BMPR2: variants seen among roughly 807,000 people sequenced by gnomAD.
BMPR2 encodes the protein bone morphogenetic protein receptor type 2.
In BMPR2, 29 loss-of-function variants were observed where a neutral mutation model predicts 100.8. The observed-to-expected ratio is 0.29, with a 90% CI of 0.21 to 0.39. The LOEUF is 0.39. Among genes scored for constraint, BMPR2 ranks in the 10% least tolerant of loss-of-function variants. The pLI is 1.00. For synonymous variants in BMPR2, 382 were observed against 442.3 expected (o/e 0.86, Z 1.71); for missense variants, 1,011 against 1,274.5 (o/e 0.79, Z 3.15).
chr2:202,520,080 TA>T lies in BMPR2; in HGVS notation c.853-6del, dbSNP rs1254987372. 1 of 1,575,892 alleles carries T rather than the reference TA, an allele frequency of 6.3e-7. No homozygotes were observed. Among genetic ancestry groups the T allele is most frequent in the Non-Finnish European group, 8.7e-7 (1 of 1,147,514 alleles). Reference sequence around the variant, plus strand: ...TTTTTTTTTTTCGCATTTTTTCCTCTATATAGGGATCTTTATGCAAGTATTT... The same window carrying T: ...TTTTTTTTTTTCGCATTTTTTCCTCTTATAGGGATCTTTATGCAAGTATTT... On this transcript the variant is annotated splice_polypyrimidine_tract_variant and splice_region_variant and intron_variant, in intron 6 of 12. Transcript: ENST00000374580.
intron 1 of BMPR2, among the ~76,000 whole-genome samples, chr2:202,393,914 AGAGAGAG>A (rs1559024387): frequency 6.7e-6 from 1 of 149,112 alleles, no homozygotes; most frequent in Non-Finnish European, 1.5e-5. Flanking sequence ...AGAGAGAGAG[AGAGAGAG>A]AGAGAGAGAG....
chr2:202,472,220 G>C (rs1271641995), intron 3 of BMPR2, among the ~76,000 whole-genome samples: 5 of 152,162 alleles, frequency 3.3e-5, no homozygotes, highest in Non-Finnish European at 7.4e-5. Flanking sequence ...TAAACTGAAA[G>C]CAATAGGAAA....
In BMPR2 at chr2:202,566,765, A is replaced by G. The variant is rs1195668820; in HGVS notation, c.*6819A>G. ...TGAGAAAATAACCTGTATTTATCAC[A>G]TTGTCAAACAGAATTTTTCTTTGAA... On this transcript the variant is annotated 3_prime_UTR_variant, in exon 13 of 13. Coordinates refer to ENST00000374580, the MANE Select transcript of BMPR2 (RefSeq NM_001204.7). 1 of 152,186 alleles carries G rather than the reference A, an allele frequency of 6.6e-6. No homozygotes were observed. The highest frequency in any genetic ancestry group is 1.5e-5 in the Non-Finnish European group (1 of 68,018). The allele number at this position is 152,186 out of a possible 1,614,324, so 9.4% of individuals were successfully genotyped here.
At chr2:202,548,173 C>T (rs1449027895) in intron 10 of BMPR2, among the ~76,000 whole-genome samples, 1 of 152,172 alleles carries the variant, frequency 6.6e-6, no homozygotes, top group Non-Finnish European at 1.5e-5. Flanking sequence ...GAAGAAACTA[C>T]CAGTTCTTTT....
At chr2:202,450,191 G>A (rs1691947926) in intron 1 of BMPR2, among the ~76,000 whole-genome samples, 1 of 152,096 alleles carries the variant, frequency 6.6e-6, no homozygotes, top group Non-Finnish European at 1.5e-5. Flanking sequence ...GGGTCTCAGG[G>A]ATCCCCAACA....
chr2:202,488,434 A>C (rs1344551504), intron 3 of BMPR2, among the ~76,000 whole-genome samples: 5 of 152,120 alleles, frequency 3.3e-5, no homozygotes, highest in Non-Finnish European at 7.4e-5. Context: ...TAAAATGTGA[A>C]ATTTACTGTC....
At chr2:202,430,431 TTTGAATATGTGGAATTG>T (rs1691480271) in intron 1 of BMPR2, among the ~76,000 whole-genome samples, 1 of 152,210 alleles carries the variant, frequency 6.6e-6, no homozygotes, top group East Asian at 1.9e-4. Context: ...TTCTTCAGAC[TTTGAATATGTGGAATTG>T]TTGAATATGT....
intron 3 of BMPR2, among the ~76,000 whole-genome samples, chr2:202,476,278 G>T (rs1370475555): frequency 6.6e-6 from 1 of 151,822 alleles, no homozygotes; most frequent in African/African-American, 2.4e-5. Context: ...CTCTCTTCCT[G>T]CCTTAACTGT....
intron 1 of BMPR2, among the ~76,000 whole-genome samples, chr2:202,409,276 C>T (rs573457943): frequency 4.6e-5 from 7 of 152,180 alleles, no homozygotes; most frequent in East Asian, 1.9e-4. Context: ...ACCCAGAAGG[C>T]GGGGAAGTTG....
chr2:202,554,623 C>A (rs1294769969), intron 11 of BMPR2, among the ~76,000 whole-genome samples: 1 of 152,096 alleles, frequency 6.6e-6, no homozygotes, highest in East Asian at 1.9e-4. Flanking sequence ...AATTGGAGAG[C>A]AGTTCTGAAT....
At chr2:202,422,395 C>T (rs768581647) in intron 1 of BMPR2, among the ~76,000 whole-genome samples, 1 of 152,114 alleles carries the variant, frequency 6.6e-6, no homozygotes, top group Non-Finnish European at 1.5e-5. Flanking sequence ...CAAACTCCGC[C>T]TCCCGGGTTC....
intron 1 of BMPR2, among the ~76,000 whole-genome samples, chr2:202,447,656 G>A (rs1228756655): frequency 1.3e-5 from 2 of 150,666 alleles, no homozygotes; most frequent in Non-Finnish European, 2.9e-5. Context: ...CTCCAGCTTG[G>A]GTGACAGAGC....
chr2:202,559,770 C>T lies in BMPR2; in HGVS notation c.2941C>T (p.Leu981Phe). 6.2e-7 allele frequency: 1 copy of T among 1,614,184 alleles called. No individual in the cohort carries two copies. Among genetic ancestry groups the T allele is most frequent in the Non-Finnish European group, 8.5e-7 (1 of 1,180,028 alleles). The change falls in exon 13 of 13, where the codon CTT (leucine) becomes TTT (phenylalanine). Residue 981 changes from leucine (L) to phenylalanine (F), a missense_variant. Transcript: ENST00000374580. ...GAAACGTGTGAAAACTCCCTATTCT[C>T]TTAAGCGGTGGCGCCCCTCCACCTG... ...IKKRVKTPYS[L>F]KRWRPSTWVI...
chr2:202,436,126 T>C (rs1009133884), intron 1 of BMPR2, among the ~76,000 whole-genome samples: 1 of 150,832 alleles, frequency 6.6e-6, no homozygotes, highest in Non-Finnish European at 1.5e-5. Flanking sequence ...TCACTGGTAA[T>C]AGTGATAATA....
At chr2:202,478,287 A>G (rs1692589798) in intron 3 of BMPR2, among the ~76,000 whole-genome samples, 1 of 152,196 alleles carries the variant, frequency 6.6e-6, no homozygotes, top group Admixed American at 6.5e-5. Flanking sequence ...TGTGAGGTAA[A>G]ATTCATTCAG....
intron 1 of BMPR2, among the ~76,000 whole-genome samples, chr2:202,387,722 C>T (rs1447057038): frequency 6.6e-6 from 1 of 152,048 alleles, no homozygotes; most frequent in Non-Finnish European, 1.5e-5. Context: ...AAAAGAACAC[C>T]AGTTAGATTA....
chr2:202,546,915 G>GTTTTA (rs1199543663), intron 10 of BMPR2, among the ~76,000 whole-genome samples: 1 of 144,274 alleles, frequency 6.9e-6, no homozygotes, highest in Non-Finnish European at 1.6e-5. Context: ...GTTTTGTTTT[G>GTTTTA]TTTTGTTTTG....
At chr2:202,427,356 C>T (rs1413726707) in intron 1 of BMPR2, among the ~76,000 whole-genome samples, 12 of 76,458 alleles carry the variant, frequency 1.6e-4, no homozygotes, top group Non-Finnish European at 2.9e-4. Flanking sequence ...AAGACCCTGG[C>T]TCAAAAAAAA....
rs1381776884 is a variant in BMPR2, at chr2:202,377,119, C to T, written c.-356C>T. On this transcript the variant is annotated 5_prime_UTR_variant, in exon 1 of 13. Transcript: ENST00000374580. ...GCCCTCCGCACCCTGGATATGTTTT[C>T]TCCCAGACCTGGATATTTTTTTGAT... 1 of 577,574 alleles carries T rather than the reference C, an allele frequency of 1.7e-6. No homozygotes were observed. The highest frequency in any genetic ancestry group is 3.1e-6 in the Non-Finnish European group (1 of 326,440). 35.8% of individuals were successfully genotyped at this position (577,574 alleles called of 1,614,324 possible). A position where few individuals can be genotyped will look rare whatever the true frequency, so the allele number is the denominator to read the frequency against.
Sources: gnomAD v4.1 joint callset for allele counts (sites outside exome capture counted in the v4.1 genomes callset) on GRCh38, gnomAD v4.1.1 for gene constraint, MANE v1.5 for transcripts, NCBI Gene and HGNC (gene_info 2026-07-23, HGNC 2026-07-21) for gene names.